The following AP2A1 variants were observed in gnomAD, a reference collection of about 807,000 sequenced individuals.
AP2A1 encodes the protein adaptor related protein complex 2 subunit alpha 1.
Under a neutral mutation model 107.3 loss-of-function variants are expected in AP2A1, and 21 were observed. The observed-to-expected ratio is 0.20, with a 90% CI of 0.14 to 0.28. The LOEUF is 0.28. Ranked by LOEUF, AP2A1 falls within the 10% of genes least tolerant of loss-of-function variation. The pLI, the probability that AP2A1 is intolerant of heterozygous loss-of-function variation, is 1.00. For synonymous variants in AP2A1, 602 were observed against 564.8 expected, an observed-to-expected ratio of 1.07 and a Z score of -0.93; for missense variants, 873 against 1,307.7, an observed-to-expected ratio of 0.67 and a Z score of 5.13.
chr19:49,801,333 G>T, intron 12 of AP2A1, 57 bp from the exon 13 acceptor site: 1 of 1,535,742 alleles, frequency 6.5e-7, no homozygotes, highest in Non-Finnish European at 8.9e-7. Flanking sequence ...CTCTCGAGGG[G>T]GTTTCTGGGA....
chr19:49,767,331 C>A, intron 1 of AP2A1, 131 bp downstream of exon 1: 1 of 1,159,488 alleles, frequency 8.6e-7, no homozygotes, highest in Non-Finnish European at 1.2e-6. Flanking sequence ...ATAGATGGGC[C>A]CCAGGAAGAA....
At chr19:49,794,271 A>C (rs1292153818) in intron 6 of AP2A1, among the ~76,000 whole-genome samples, 1 of 147,074 alleles carries the variant, frequency 6.8e-6, no homozygotes, top group Admixed American at 6.9e-5. Flanking sequence ...GCTGGAGTGC[A>C]GTAGTGCAGC....
At position 49,805,776 on chromosome 19, in the gene AP2A1, C is replaced by G. The variant is rs746056839; in HGVS notation, c.2584C>G (p.Leu862Val). The G allele has an allele frequency of 1.3e-5, 18 of 1,348,762 alleles. No individual in the cohort carries two copies. The highest frequency in any genetic ancestry group is 1.7e-5 in the Non-Finnish European group (17 of 1,017,080). The allele number at this position is 1,348,762 out of a possible 1,614,324, so 83.5% of individuals were successfully genotyped here. The change falls in exon 20 of 23, where the codon CTC (leucine) becomes GTC (valine). Residue 862 changes from leucine (L) to valine (V), a missense_variant and splice_region_variant. By Grantham distance (32) the Leu-to-Val change is conservative. Transcript: ENST00000354293. ...DFFQRWKQLS[L>V]PQQEAQKIFK... The stretch of plus-strand genomic sequence containing the variant: ...CTTCCAGCGCTGGAAGCAGCTGAGC[C>G]TGTGAGGGGTGGGGAGGGGGCGGAG...
chr19:49,806,535 G>A (rs918982658), intron 22 of AP2A1, 146 bp from the exon 23 acceptor site: 7 of 1,465,928 alleles, frequency 4.8e-6, no homozygotes, highest in Non-Finnish European at 5.4e-6. Flanking sequence ...TGGCGCCTCT[G>A]TTGATTTCAG....
chr19:49,794,141 C>T (rs2073181844), intron 6 of AP2A1, among the ~76,000 whole-genome samples: 1 of 151,618 alleles, frequency 6.6e-6, no homozygotes, highest in African/African-American at 2.4e-5. Context: ...ACCTCGTGAT[C>T]CACCCGCCTC....
intron 15 of AP2A1, chr19:49,802,427 TTCCG>T (rs768435980): frequency 5.3e-6 from 6 of 1,134,862 alleles, no homozygotes; most frequent in Non-Finnish European, 6.4e-6. Context: ...TCCTTCCCTC[TTCCG>T]TCCCTCCCTC....
intron 11 of AP2A1, among the ~76,000 whole-genome samples, chr19:49,800,379 G>C (rs2073263144): frequency 6.6e-6 from 1 of 152,236 alleles, no homozygotes; most frequent in Admixed American, 6.5e-5. Context: ...GGCACCCAGT[G>C]TGCAGTCCTG....
rs1037337637 is a variant in AP2A1, at chr19:49,782,560, C to T, written c.309C>T (p.Asn103=). ...ACCTGTTCATTTCTGTGCTGGTGAA[C>T]TCGAACTCGGAGCTGATCCGCCTCA... ...IGYLFISVLV[N]SNSELIRLIN... The change falls in exon 4 of 23, where the codon AAC becomes AAT. Residue 103 remains asparagine, a synonymous_variant. Transcript: ENST00000354293. 3 of 1,613,860 alleles carry T rather than the reference C, an allele frequency of 1.9e-6. No individual in the cohort carries two copies. The highest frequency in any genetic ancestry group is 1.7e-5 in the Admixed American group (1 of 60,002).
rs1000499338 is a variant in AP2A1 at position 49,785,363 on chromosome 19, G to A, written c.473+2639G>A. Reference sequence around the variant, plus strand: ...AAGGGCATGTTTCGGGAGTAGAGTCGATGGATTATATGTGCTGTGCTAGGA... The same window carrying A: ...AAGGGCATGTTTCGGGAGTAGAGTCAATGGATTATATGTGCTGTGCTAGGA... On this transcript the variant is annotated intron_variant, in intron 4 of 22. Transcript: ENST00000354293. This position sits in a 1 kb window ranked among gnomAD's most constrained non-coding sequence, Gnocchi z 4.1. 2.6e-5 allele frequency among the ~76,000 whole-genome samples: 4 copies of A among 152,128 alleles called. No individual in the cohort carries two copies. The highest frequency in any genetic ancestry group is 4.4e-5 in the Non-Finnish European group (3 of 68,026).
intron 6 of AP2A1, 29 bp from the exon 7 acceptor site, chr19:49,795,601 C>CCCCCCA: frequency 1.6e-6 from 2 of 1,224,066 alleles, no homozygotes; most frequent in Non-Finnish European, 2.3e-6. Context: ...ACCCCAGCCC[C>CCCCCCA]CAACTTATTT....
intron 4 of AP2A1, among the ~76,000 whole-genome samples, chr19:49,784,444 G>C (rs1399359228): frequency 6.8e-6 from 1 of 147,988 alleles, no homozygotes; most frequent in Non-Finnish European, 1.5e-5. Flanking sequence ...AAAAAAAAAA[G>C]AAAAAGAAAA....
At chr19:49,800,346 G>A (rs1315377238) in intron 11 of AP2A1, among the ~76,000 whole-genome samples, 196 bp downstream of exon 11, 3 of 152,198 alleles carry the variant, frequency 2.0e-5, no homozygotes, top group Admixed American at 6.5e-5. Context: ...CTGATGTGAG[G>A]AGTCCCCAGG....
intron 4 of AP2A1, among the ~76,000 whole-genome samples, chr19:49,789,769 G>T (rs956031641): frequency 6.6e-6 from 1 of 152,068 alleles, no homozygotes; most frequent in African/African-American, 2.4e-5. Context: ...AGCCGACAAG[G>T]CTCCTCATTT....
rs1019591222 is a variant in AP2A1 at position 49,806,801 on chromosome 19, C to A, written c.*43C>A. On this transcript the variant is annotated 3_prime_UTR_variant, in exon 23 of 23. Transcript: ENST00000354293. ...GGGGGATGTGGCCGGCACTGGGCAG[C>A]CCCTTGGACTGAGGCAGTTTTGGTG... is the stretch of plus-strand genomic sequence containing the variant. The A allele has an allele frequency of 1.9e-6, 3 of 1,611,690 alleles. No individual in the cohort carries two copies. The highest frequency in any genetic ancestry group is 2.7e-5 in the African/African-American group (2 of 74,850).
At chr19:49,804,158 C>G (rs1481567231) in intron 18 of AP2A1, 1 of 152,168 alleles carries the variant, frequency 6.6e-6, no homozygotes, top group Non-Finnish European at 1.5e-5. Flanking sequence ...ATCGCTTGAG[C>G]CTGGGAGGTG....
rs1296517350 is a variant in AP2A1 at position 49,799,393 on chromosome 19, C to T, written c.1032C>T (p.Asn344=). ...LGQFLQHRET[N]LRYLALESMC... is the part of the protein sequence containing the mutation. Reference sequence around the variant, plus strand: ...AGTTCCTGCAGCACCGGGAGACCAACCTGCGCTACCTGGCCCTGGAGAGCA... The same window carrying T: ...AGTTCCTGCAGCACCGGGAGACCAATCTGCGCTACCTGGCCCTGGAGAGCA... Residue 344 remains asparagine (N), a synonymous_variant, in exon 9 of 23, where the codon AAC becomes AAT. Transcript: ENST00000354293. 2 of 1,612,496 alleles carry T rather than the reference C, an allele frequency of 1.2e-6. No individual in the cohort carries two copies. Among genetic ancestry groups the T allele is most frequent in the Non-Finnish European group, 1.7e-6 (2 of 1,179,546 alleles).
At chr19:49,770,564 GA>G (rs1490983131) in intron 1 of AP2A1, among the ~76,000 whole-genome samples, 2 of 152,132 alleles carry the variant, frequency 1.3e-5, no homozygotes, top group East Asian at 3.8e-4. Flanking sequence ...ATGATAGCCG[GA>G]AAACAGAAAC....
At chr19:49,783,939 C>T (rs1228532989) in intron 4 of AP2A1, among the ~76,000 whole-genome samples, 2 of 152,194 alleles carry the variant, frequency 1.3e-5, no homozygotes, top group East Asian at 1.9e-4. Flanking sequence ...CCTAAGTCAA[C>T]CTTTAGTTTA....
rs1171868334 is a variant in AP2A1, at chr19:49,802,092, C to G, written c.2065C>G (p.Pro689Ala). The G allele has an allele frequency of 1.0e-5, 16 of 1,591,556 alleles. No individual in the cohort carries two copies. The highest frequency in any genetic ancestry group is 1.4e-5 in the Non-Finnish European group (16 of 1,174,514). Residue 689 changes from proline (P) to alanine (A), a missense_variant, in exon 15 of 23, where the codon CCG becomes GCG. Coordinates refer to ENST00000354293, the MANE Select transcript of AP2A1 (RefSeq NM_130787.3). ...GNLLVDVFDGPAAQPSLGPTP... is the reference protein window; with the variant it reads ...GNLLVDVFDGAAAQPSLGPTP... ...CCTTCTGGTGGACGTCTTCGATGGC[C>G]CGGCCGCCCAGCCCAGCCTGGGGCC...
Sources: allele counts gnomAD v4.1 joint callset (sites outside exome capture counted in the v4.1 genomes callset), GRCh38; gene constraint gnomAD v4.1.1; non-coding constraint Gnocchi (gnomAD v3.1); transcripts MANE v1.5; gene names NCBI Gene and HGNC (gene_info 2026-07-23, HGNC 2026-07-21).